JAK2: variants seen among roughly 807,000 people sequenced by gnomAD.
JAK2 encodes Janus kinase 2.
A neutral mutation model predicts 139.3 loss-of-function variants in JAK2; 86 were observed. The observed-to-expected ratio is 0.62, with a 90% confidence interval of 0.52 to 0.74. JAK2 has a LOEUF of 0.74. Among genes scored for constraint, JAK2 ranks in the 30% least tolerant of loss-of-function variants. The probability of loss-of-function intolerance (pLI) is 0.00; values close to 1 mark genes in which losing one functional copy is unlikely to be tolerated. For missense variants in JAK2, 1,421 were observed against 1,360.3 expected, an observed-to-expected ratio of 1.04 and a Z score of -0.70; for synonymous variants, 490 against 437.7, an observed-to-expected ratio of 1.12 and a Z score of -1.49.
intron 4 of JAK2, among the ~76,000 whole-genome samples, chr9:5,032,853 A>G (rs1181946575): frequency 1.3e-5 from 2 of 152,236 alleles, no homozygotes; most frequent in Non-Finnish European, 1.5e-5. Context: ...CCTCCTCCAA[A>G]GGAACGCAGC....
chr9:5,030,577 A>C (rs186713225), intron 4 of JAK2, among the ~76,000 whole-genome samples: 1 of 152,132 alleles, frequency 6.6e-6, no homozygotes, highest in Non-Finnish European at 1.5e-5. Context: ...ATATTACTCA[A>C]ATTTATTCAT....
rs189089058 is a variant in JAK2, at chr9:5,017,923, G to A, written c.-25-4040G>A. On this transcript the variant is annotated intron_variant, in intron 2 of 24. Coordinates refer to ENST00000381652, the MANE Select transcript of JAK2 (RefSeq NM_004972.4). ...TACTGTTTGTGACTTAAAGTCTGTTGTATCTGATATACCTTTGCATGGAAT... is the reference window on the plus strand; with the variant it reads ...TACTGTTTGTGACTTAAAGTCTGTTATATCTGATATACCTTTGCATGGAAT... Among the ~76,000 whole-genome samples the A allele has an allele frequency of 3.2e-3, 494 of 152,206 alleles. 2 individuals carry two copies. Among genetic ancestry groups the A allele is most frequent in the Middle Eastern group, 0.02 (6 of 294 alleles).
At chr9:5,102,773 A>C (rs1821611946) in intron 22 of JAK2, among the ~76,000 whole-genome samples, 1 of 152,218 alleles carries the variant, frequency 6.6e-6, no homozygotes, top group South Asian at 2.1e-4. Context: ...TTCAACCCAG[A>C]ATTTCATATC....
At chr9:5,043,780 G>A (rs1332887213) in intron 4 of JAK2, among the ~76,000 whole-genome samples, 1 of 152,188 alleles carries the variant, frequency 6.6e-6, no homozygotes, top group Non-Finnish European at 1.5e-5. Context: ...AGGAAATGAA[G>A]TAATGATACA....
At chr9:5,070,376 G>T (rs1316704405) in intron 12 of JAK2, among the ~76,000 whole-genome samples, 1 of 151,832 alleles carries the variant, frequency 6.6e-6, no homozygotes, top group Admixed American at 6.6e-5. Flanking sequence ...AAATTCAAGG[G>T]GTTAAAAATA....
At chr9:5,028,400 A>G (rs1212294556) in intron 3 of JAK2, among the ~76,000 whole-genome samples, 1 of 152,200 alleles carries the variant, frequency 6.6e-6, no homozygotes, top group Non-Finnish European at 1.5e-5. Context: ...TGTCCCATTT[A>G]TAGAGCACAG....
At chr9:5,011,504 T>C (rs1031788856) in intron 2 of JAK2, among the ~76,000 whole-genome samples, 1 of 152,216 alleles carries the variant, frequency 6.6e-6, no homozygotes, top group African/African-American at 2.4e-5. Flanking sequence ...TTTCTTGATA[T>C]TGTAGAGTTT....
intron 22 of JAK2, chr9:5,111,261 C>T (rs929338190): frequency 4.4e-5 from 22 of 505,434 alleles, no homozygotes; most frequent in Admixed American, 7.1e-5. Flanking sequence ...CGCAGGCGTG[C>T]GCAGCCTGAC....
intron 2 of JAK2, among the ~76,000 whole-genome samples, chr9:4,993,579 C>T (rs1429909249): frequency 6.6e-6 from 1 of 152,064 alleles, no homozygotes; most frequent in African/African-American, 2.4e-5. Context: ...TAAACTTTGC[C>T]CTAGTATGTA....
intron 4 of JAK2, among the ~76,000 whole-genome samples, chr9:5,038,164 G>A (rs62541538): frequency 0.24 from 35,811 of 152,042 alleles, 4,635 homozygotes; most frequent in South Asian, 0.31. Context: ...AATGGATACA[G>A]TGTTTTTAAT....
In JAK2 at chr9:5,041,283, A is replaced by G. The variant is rs1816486248; in HGVS notation, c.351-3120A>G. ...ATCGACCTCGGGCTGGCCAAGGGGT[A>G]CACTGGTCTCAGGACCAAGAAGCAC... On this transcript the variant is annotated intron_variant, in intron 4 of 24. Coordinates refer to ENST00000381652, the MANE Select transcript of JAK2 (RefSeq NM_004972.4). 6 of 1,058,282 alleles carry G rather than the reference A, an allele frequency of 5.7e-6. No individual in the cohort carries two copies. The South Asian group carries it at 8.2e-5, about 14-fold the overall frequency. The allele number at this position is 1,058,282 out of a possible 1,614,324, so 65.6% of individuals were successfully genotyped here. A position where few individuals can be genotyped will look rare whatever the true frequency, so the allele number is the denominator to read the frequency against.
chr9:5,097,318 C>A (rs564952623), intron 22 of JAK2: 2 of 152,218 alleles, frequency 1.3e-5, no homozygotes, highest in South Asian at 2.1e-4. Flanking sequence ...ACTTTTTGAC[C>A]CTGCTGGTGG....
chr9:5,101,185 G>A (rs1357201829), intron 22 of JAK2, among the ~76,000 whole-genome samples: 2 of 152,194 alleles, frequency 1.3e-5, no homozygotes, highest in African/African-American at 4.8e-5. Context: ...CCCAAATACT[G>A]TGCTTTTCCA....
chr9:5,036,221 A>G (rs1301898560), intron 4 of JAK2, among the ~76,000 whole-genome samples: 1 of 152,194 alleles, frequency 6.6e-6, no homozygotes, highest in Non-Finnish European at 1.5e-5. Context: ...TCAATGAAGT[A>G]AAAGAGGATA....
chr9:5,066,582 AGTTTTAGATTTGACTTTTGATT>A (rs1818586653), intron 9 of JAK2, 74 bp from the exon 10 acceptor site: 2 of 714,366 alleles, frequency 2.8e-6, no homozygotes, highest in Non-Finnish European at 5.0e-6. Context: ...CAATTCTGAC[AGTTTTAGATTTGACTTTTGATT>A]GTTTTAGATG....
At chr9:5,089,489 G>A (rs1028937243) in intron 19 of JAK2, among the ~76,000 whole-genome samples, 185 bp from the exon 20 acceptor site, 1 of 126,158 alleles carries the variant, frequency 7.9e-6, no homozygotes, top group African/African-American at 2.9e-5. Context: ...AGTGAGCCGA[G>A]ATCGTGCCAC....
At chr9:5,123,707 G>T (rs62543904) in intron 23 of JAK2, among the ~76,000 whole-genome samples, 8 of 151,872 alleles carry the variant, frequency 5.3e-5, no homozygotes, top group Admixed American at 1.3e-4. Flanking sequence ...TCTATATTTA[G>T]GTCTCTGAGA....
intron 2 of JAK2, among the ~76,000 whole-genome samples, chr9:5,019,104 A>G (rs537097479): frequency 6.6e-6 from 1 of 152,158 alleles, no homozygotes. Flanking sequence ...ATCTCTTGAT[A>G]TACTTGGGTA....
At chr9:5,123,148 G>GT (rs763447537) in intron 23 of JAK2, 27 bp downstream of exon 23, 1 of 1,451,834 alleles carries the variant, frequency 6.9e-7, no homozygotes, top group Non-Finnish European at 9.5e-7. Context: ...TTTACTTTCA[G>GT]TTTTTTGTTT....
Sources: gnomAD v4.1 joint callset for allele counts (sites outside exome capture counted in the v4.1 genomes callset) on GRCh38, gnomAD v4.1.1 for gene constraint, MANE v1.5 for transcripts, NCBI Gene and HGNC (gene_info 2026-07-23, HGNC 2026-07-21) for gene names.